Variants in CABP5 observed in about 807,000 individuals in gnomAD.
CABP5 encodes calcium binding protein 5.
In CABP5, 17 loss-of-function variants were observed where a neutral mutation model predicts 21.9. The ratio of observed to expected loss-of-function variants is 0.78; its 90% CI spans 0.53 to 1.17. The LOEUF (loss-of-function observed/expected upper bound fraction) is 1.17, where lower values mean the gene tolerates loss of function less well. Ranked by LOEUF, CABP5 falls within the 50% of genes most tolerant of loss-of-function variation. CABP5 has a pLI of 0.00. For synonymous variants in CABP5, 85 were observed against 79.4 expected (o/e 1.07, Z -0.37); for missense variants, 229 against 228.9 (o/e 1.00, Z 0.00).
chr19:48,030,722 C>T, intron 5 of CABP5, 140 bp from the exon 6 acceptor site: 2 of 788,504 alleles, frequency 2.5e-6, no homozygotes, highest in Non-Finnish European at 4.2e-6. Flanking sequence ...TCCATTTCTC[C>T]ATCTATGAAA....
chr19:48,037,592 TA>T (rs1310181834), intron 4 of CABP5, among the ~76,000 whole-genome samples: 1 of 151,376 alleles, frequency 6.6e-6, no homozygotes, highest in Non-Finnish European at 1.5e-5. Flanking sequence ...TAGTGACGTT[TA>T]AAAAAATGTT....
intron 3 of CABP5, among the ~76,000 whole-genome samples, chr19:48,040,257 TATC>T (rs762441713): frequency 1.5e-4 from 23 of 152,188 alleles, no homozygotes; most frequent in Non-Finnish European, 2.4e-4. Flanking sequence ...TCAGCATCTT[TATC>T]TCTTCCTTCT....
intron 4 of CABP5, among the ~76,000 whole-genome samples, chr19:48,036,581 G>GA (rs766556861): frequency 6.6e-6 from 1 of 152,238 alleles, no homozygotes; most frequent in Non-Finnish European, 1.5e-5. Flanking sequence ...ATAGGTTCTA[G>GA]AGATCTGCTG....
At chr19:48,041,118 G>A (rs1432771697) in intron 2 of CABP5, among the ~76,000 whole-genome samples, 3 of 152,128 alleles carry the variant, frequency 2.0e-5, no homozygotes, top group Non-Finnish European at 4.4e-5. Flanking sequence ...CCTGGGAGGC[G>A]GAGGTAGCAG....
Position 48,040,666 on chromosome 19 carries a change from C to T in CABP5, c.177G>A (p.Thr59=), listed in dbSNP as rs12982629. The T allele has an allele frequency of 1.5e-5, 25 of 1,613,724 alleles. No individual in the cohort carries two copies. Among genetic ancestry groups the T allele is most frequent in the Middle Eastern group, 1.6e-4 (1 of 6,062 alleles). ...CCATCTCCGTGGGCATGTAACCCAT[C>T]GTCCTCATGAGATTCCCCAGATCCT... is the stretch of plus-strand genomic sequence containing the variant. ...SCKDLGNLMR[T]MGYMPTEMEL... is the part of the protein sequence containing the mutation. The change falls in exon 3 of 6, where the codon ACG becomes ACA. Residue 59 remains threonine (T), a synonymous_variant. Transcript: ENST00000293255.
At position 48,044,037 on chromosome 19, in the gene CABP5, G is replaced by T; in HGVS notation, c.-115C>A. ...CAGCACTCCTTTGCCACCTCTTCCTGCCTCTCTTGGCTTCTCCTTCGGTCC... is the reference window on the plus strand; with the variant it reads ...CAGCACTCCTTTGCCACCTCTTCCTTCCTCTCTTGGCTTCTCCTTCGGTCC... On this transcript the variant is annotated 5_prime_UTR_variant, in exon 1 of 6. Coordinates refer to ENST00000293255, the MANE Select transcript of CABP5 (RefSeq NM_019855.5). 2 of 834,032 alleles carry T rather than the reference G, an allele frequency of 2.4e-6. No individual in the cohort carries two copies. Among genetic ancestry groups the T allele is most frequent in the Non-Finnish European group, 3.6e-6 (2 of 553,370 alleles). The allele number at this position is 834,032 out of a possible 1,614,324, so 51.7% of individuals were successfully genotyped here.
At chr19:48,043,113 G>A (rs188408992) in intron 1 of CABP5, among the ~76,000 whole-genome samples, 48 of 151,828 alleles carry the variant, frequency 3.2e-4, no homozygotes, top group African/African-American at 1.0e-3. Flanking sequence ...GGGCTCAAGC[G>A]ATCCTCCTGC....
At chr19:48,031,640 C>T (rs1191257849) in intron 5 of CABP5, among the ~76,000 whole-genome samples, 1 of 152,132 alleles carries the variant, frequency 6.6e-6, no homozygotes, top group Non-Finnish European at 1.5e-5. Flanking sequence ...GAAACTTACG[C>T]CAGCGAGGGT....
At chr19:48,033,040 G>A (rs1475963069) in intron 5 of CABP5, among the ~76,000 whole-genome samples, 1 of 143,496 alleles carries the variant, frequency 7.0e-6, no homozygotes, top group Non-Finnish European at 1.5e-5. Flanking sequence ...TTTGGACGGA[G>A]TGTTGCTCTG....
chr19:48,037,428 C>T (rs1967425451), intron 4 of CABP5, among the ~76,000 whole-genome samples: 1 of 151,658 alleles, frequency 6.6e-6, no homozygotes, highest in Non-Finnish European at 1.5e-5. Flanking sequence ...ACCACCACGC[C>T]TAGCTAATTT....
chr19:48,041,383 C>A (rs549927155), intron 2 of CABP5, 190 bp downstream of exon 2: 3 of 622,596 alleles, frequency 4.8e-6, no homozygotes, highest in South Asian at 3.8e-5. Context: ...GATGGATATG[C>A]CTTCGAAATA....
intron 5 of CABP5, among the ~76,000 whole-genome samples, chr19:48,033,302 C>G (rs570901608): frequency 5.2e-5 from 7 of 135,316 alleles, no homozygotes; most frequent in African/African-American, 1.7e-4. Flanking sequence ...CCATGTCCGG[C>G]CGACATGCCT....
intron 4 of CABP5, 103 bp downstream of exon 4, chr19:48,039,105 G>C (rs1294501486): frequency 8.5e-6 from 7 of 820,526 alleles, no homozygotes; most frequent in Non-Finnish European, 1.4e-5. Flanking sequence ...AAAAAAAGGT[G>C]GGGGCCTGGT....
In CABP5 at chr19:48,037,259, CTTTTTTTT is replaced by C. The variant is rs57230665; in HGVS notation, c.348+1941_348+1948del. Among the ~76,000 whole-genome samples, 30 of 44,978 alleles carry C rather than the reference CTTTTTTTT, an allele frequency of 6.7e-4. No homozygotes were observed. The Middle Eastern group carries it at 0.079, about 118-fold the overall frequency. The allele number at this position is 44,978 out of a possible 152,430, so 29.5% of individuals were successfully genotyped here. A position where few individuals can be genotyped will look rare whatever the true frequency, so the allele number is the denominator to read the frequency against. On this transcript the variant is annotated intron_variant, in intron 4 of 5. Coordinates refer to ENST00000293255, the MANE Select transcript of CABP5 (RefSeq NM_019855.5). ...AAGTACACAATGGAATACTATTCAG[CTTTTTTTT>C]TTTTTTTTTTTTTTTTTTGAGGTGG... is the stretch of plus-strand genomic sequence containing the variant.
chr19:48,037,890 T>C (rs780876009), intron 4 of CABP5, among the ~76,000 whole-genome samples: 9 of 152,142 alleles, frequency 5.9e-5, no homozygotes, highest in Non-Finnish European at 1.0e-4. Flanking sequence ...CACGTTACAC[T>C]TACAGCACTT....
chr19:48,034,156 T>C, intron 5 of CABP5, 59 bp downstream of exon 5: 1 of 1,447,276 alleles, frequency 6.9e-7, no homozygotes, highest in Non-Finnish European at 9.2e-7. Flanking sequence ...TGACAGTGAG[T>C]TGGAAGTGGA....
At chr19:48,036,724 A>G (rs1382296599) in intron 4 of CABP5, among the ~76,000 whole-genome samples, 2 of 152,044 alleles carry the variant, frequency 1.3e-5, no homozygotes, top group East Asian at 3.9e-4. Context: ...TCTAAAGAGG[A>G]CAAATGGGCA....
rs562586873 is a variant in CABP5, at chr19:48,040,855, C to T, written c.95-107G>A. On this transcript the variant is annotated intron_variant, in intron 2 of 5. Coordinates refer to ENST00000293255, the MANE Select transcript of CABP5 (RefSeq NM_019855.5). ...TCCAACTAGAGACTCCTTAAAGGAG[C>T]GTACATTAGAAACAAAACAAAACAA... 58 of 1,089,358 alleles carry T rather than the reference C, an allele frequency of 5.3e-5. No homozygotes were observed. The Middle Eastern group carries it at 9.2e-4, about 17-fold the overall frequency. 67.5% of individuals were successfully genotyped at this position (1,089,358 alleles called of 1,614,324 possible).
rs906094580 is a variant in CABP5, at chr19:48,030,636, A to G, written c.497-54T>C. 2.1e-5 allele frequency: 33 copies of G among 1,588,814 alleles called. No individual in the cohort carries two copies. The Admixed American group carries it at 3.8e-4, about 18-fold the overall frequency. On this transcript the variant is annotated intron_variant, in intron 5 of 5. Coordinates refer to ENST00000293255, the MANE Select transcript of CABP5 (RefSeq NM_019855.5). ...AGGCATCTCGTTGTAAAAGCCCCCA[A>G]CATTATTTTTTGAGCCCTTCCTATG...
Sources: gnomAD v4.1 joint callset for allele counts (sites outside exome capture counted in the v4.1 genomes callset) on GRCh38, gnomAD v4.1.1 for gene constraint, MANE v1.5 for transcripts, NCBI Gene and HGNC (gene_info 2026-07-23, HGNC 2026-07-21) for gene names.